The following CYTH3 variants were observed in gnomAD, a reference collection of about 807,000 sequenced individuals.
CYTH3 encodes cytohesin-3.
Under a neutral mutation model 55.1 loss-of-function variants are expected in CYTH3, and 23 were observed. The ratio of observed to expected loss-of-function variants is 0.42; its 90% CI spans 0.30 to 0.59. The LOEUF (loss-of-function observed/expected upper bound fraction) is 0.59. Among genes scored for constraint, CYTH3 ranks in the 20% least tolerant of loss-of-function variants. The probability of loss-of-function intolerance (pLI) is 0.20; values close to 1 mark genes in which losing one functional copy is unlikely to be tolerated. For synonymous variants in CYTH3, 249 were observed against 194.9 expected, an observed-to-expected ratio of 1.28 and a Z score of -2.31; for missense variants, 413 against 524.8, an observed-to-expected ratio of 0.79 and a Z score of 2.08.
intron 1 of CYTH3, among the ~76,000 whole-genome samples, chr7:6,249,269 G>A (rs1305519485): frequency 1.3e-5 from 2 of 152,102 alleles, no homozygotes; most frequent in African/African-American, 4.8e-5. Context: ...TGGAGAAGCC[G>A]CATAAACAAA....
At chr7:6,192,594 C>T (rs971357116) in intron 1 of CYTH3, among the ~76,000 whole-genome samples, 7 of 144,880 alleles carry the variant, frequency 4.8e-5, no homozygotes, top group Non-Finnish European at 6.0e-5. Flanking sequence ...TGCGGTGGCA[C>T]GATCTCAGCT....
intron 1 of CYTH3, among the ~76,000 whole-genome samples, chr7:6,209,441 CA>C (rs1183027133): frequency 3.3e-5 from 5 of 152,218 alleles, no homozygotes; most frequent in Admixed American, 1.3e-4. Context: ...CTTCTGAGAT[CA>C]AACCTGAATA....
intron 1 of CYTH3, among the ~76,000 whole-genome samples, chr7:6,191,882 G>T (rs1372808883): frequency 6.6e-6 from 1 of 152,020 alleles, no homozygotes; most frequent in Non-Finnish European, 1.5e-5. Context: ...TTCGAGACCA[G>T]CCTGGGCAAT....
At chr7:6,244,084 T>C (rs562316296) in intron 1 of CYTH3, among the ~76,000 whole-genome samples, 1 of 152,356 alleles carries the variant, frequency 6.6e-6, no homozygotes, top group East Asian at 1.9e-4. Context: ...TGTGTTGAAG[T>C]TGCATGTTCT....
chr7:6,220,094 G>C (rs1403457303), intron 1 of CYTH3, among the ~76,000 whole-genome samples: 1 of 151,860 alleles, frequency 6.6e-6, no homozygotes, highest in Non-Finnish European at 1.5e-5. Context: ...GTTTCACCAT[G>C]TTTGAGACCA....
intron 1 of CYTH3, among the ~76,000 whole-genome samples, chr7:6,240,292 CAAAAAAAAA>C (rs60884841): frequency 5.0e-5 from 3 of 60,568 alleles, no homozygotes; most frequent in East Asian, 1.2e-3. Context: ...GACTCCATCT[CAAAAAAAAA>C]AAAAAAAAAA....
Position 6,268,666 on chromosome 7 carries a change from T to C in CYTH3, c.34+3808A>G, listed in dbSNP as rs1353809436. On this transcript the variant is annotated intron_variant, in intron 1 of 12. Transcript: ENST00000350796. ...GTTATCTCACACGTGTACAAATATA[T>C]CTGCAGGTTAAATTCCTAGAACTGG... Among the ~76,000 whole-genome samples the C allele has an allele frequency of 3.3e-5, 5 of 152,174 alleles. No individual in the cohort carries two copies. In the East Asian group the frequency reaches 9.6e-4, roughly 29 times the overall value.
At chr7:6,234,790 G>A (rs1450772137) in intron 1 of CYTH3, among the ~76,000 whole-genome samples, 1 of 152,218 alleles carries the variant, frequency 6.6e-6, no homozygotes, top group Non-Finnish European at 1.5e-5. Flanking sequence ...ACAATTCTTG[G>A]TCAAGAAAAG....
intron 6 of CYTH3, chr7:6,172,932 C>T (rs919241990): frequency 6.8e-6 from 8 of 1,170,634 alleles, no homozygotes; most frequent in Non-Finnish European, 8.7e-6. Context: ...CATGAGCAAA[C>T]AGTCCACGTA....
At chr7:6,201,571 G>T (rs1424638493) in intron 1 of CYTH3, among the ~76,000 whole-genome samples, 4 of 152,194 alleles carry the variant, frequency 2.6e-5, no homozygotes, top group African/African-American at 9.7e-5. Flanking sequence ...AAGGGATCCA[G>T]TACAGGAGGT....
rs1352197117 is a variant in CYTH3, at chr7:6,220,507, C to T, written c.35-29976G>A. Among the ~76,000 whole-genome samples, 3 of 149,824 alleles carry T rather than the reference C, an allele frequency of 2.0e-5. No homozygotes were observed. The East Asian group carries it at 5.9e-4, about 29-fold the overall frequency. On this transcript the variant is annotated intron_variant, in intron 1 of 12. Transcript: ENST00000350796. ...TGGACATCAAAATTAAAAACTTTTG[C>T]TCTGCAAAGCATTAAAAGGATGAAG...
chr7:6,233,868 G>A (rs1210500794), intron 1 of CYTH3, among the ~76,000 whole-genome samples: 3 of 152,008 alleles, frequency 2.0e-5, no homozygotes, highest in Non-Finnish European at 4.4e-5. Context: ...CCAGGTGCCG[G>A]CGGATTCAGT....
At chr7:6,176,018 G>A (rs1783341538) in intron 5 of CYTH3, among the ~76,000 whole-genome samples, 1 of 152,122 alleles carries the variant, frequency 6.6e-6, no homozygotes, top group South Asian at 2.1e-4. Flanking sequence ...ATCAGTGTTG[G>A]AATATTGGCA....
intron 4 of CYTH3, among the ~76,000 whole-genome samples, chr7:6,185,521 C>A (rs1384429201): frequency 6.6e-6 from 1 of 151,868 alleles, no homozygotes; most frequent in African/African-American, 2.4e-5. Flanking sequence ...ACAGTGAAAC[C>A]CCGTCTCTAC....
At chr7:6,259,802 TATATATATATAATATATATATATA>T (rs1780286543) in intron 1 of CYTH3, among the ~76,000 whole-genome samples, 1 of 27,788 alleles carries the variant, frequency 3.6e-5, no homozygotes, top group Non-Finnish European at 5.1e-5. Flanking sequence ...TATATATATA[TATATATATATAATATATATATATA>T]TATATATTTT....
chr7:6,221,090 A>C (rs1322653650), intron 1 of CYTH3, among the ~76,000 whole-genome samples: 1 of 152,198 alleles, frequency 6.6e-6, no homozygotes, highest in Non-Finnish European at 1.5e-5. Flanking sequence ...ATGCCCACAC[A>C]AAAACCTGAA....
chr7:6,221,910 C>T (rs1427174294), intron 1 of CYTH3, among the ~76,000 whole-genome samples: 1 of 152,126 alleles, frequency 6.6e-6, no homozygotes, highest in Non-Finnish European at 1.5e-5. Context: ...TATGATGGTG[C>T]CACTGCACTC....
intron 1 of CYTH3, among the ~76,000 whole-genome samples, chr7:6,196,536 T>C (rs1428791706): frequency 6.7e-6 from 1 of 148,694 alleles, no homozygotes; most frequent in African/African-American, 2.5e-5. Flanking sequence ...CTCAGCTCAC[T>C]GCAACCTTCA....
At chr7:6,256,292 C>A (rs1780102924) in intron 1 of CYTH3, among the ~76,000 whole-genome samples, 1 of 152,222 alleles carries the variant, frequency 6.6e-6, no homozygotes, top group Non-Finnish European at 1.5e-5. Flanking sequence ...CTGGTTCAGG[C>A]AGGGGGCCCT....
Sources: gnomAD v4.1 joint callset for allele counts (sites outside exome capture counted in the v4.1 genomes callset) on GRCh38, gnomAD v4.1.1 for gene constraint, MANE v1.5 for transcripts, NCBI Gene and HGNC (gene_info 2026-07-23, HGNC 2026-07-21) for gene names.